DYNC1I1: variants seen among roughly 807,000 people sequenced by gnomAD.
DYNC1I1 encodes dynein cytoplasmic 1 intermediate chain 1.
DYNC1I1 carries 43 observed loss-of-function variants against 86.6 expected under a neutral mutation model. The observed-to-expected ratio is 0.50, with a 90% CI of 0.39 to 0.64. The LOEUF (loss-of-function observed/expected upper bound fraction) is 0.64, where lower values mean the gene tolerates loss of function less well. DYNC1I1 is among the 30% of genes least tolerant of loss of function. The pLI, the probability that DYNC1I1 is intolerant of heterozygous loss-of-function variation, is 0.00. For synonymous variants in DYNC1I1, 262 were observed against 283.7 expected (o/e 0.92, Z 0.77); for missense variants, 604 against 788.8 (o/e 0.77, Z 2.81).
chr7:95,836,229 T>G (rs1277196180), intron 5 of DYNC1I1, among the ~76,000 whole-genome samples: 1 of 152,116 alleles, frequency 6.6e-6, no homozygotes, highest in South Asian at 2.1e-4. Context: ...CCTTCACTTA[T>G]GAAGCTTAGT....
At chr7:95,906,658 T>G (rs1335786475) in intron 6 of DYNC1I1, among the ~76,000 whole-genome samples, 2 of 152,212 alleles carry the variant, frequency 1.3e-5, no homozygotes, top group Middle Eastern at 3.2e-3. Flanking sequence ...AACAGACCTT[T>G]AAGCTGTATG....
intron 6 of DYNC1I1, among the ~76,000 whole-genome samples, chr7:95,901,390 C>T (rs982256625): frequency 5.3e-5 from 8 of 152,206 alleles, no homozygotes; most frequent in Non-Finnish European, 8.8e-5. Flanking sequence ...ATCATTGCAT[C>T]TGTTTGCTAC....
At chr7:96,043,124 G>C (rs955687483) in intron 14 of DYNC1I1, among the ~76,000 whole-genome samples, 1 of 148,694 alleles carries the variant, frequency 6.7e-6, no homozygotes, top group Non-Finnish European at 1.5e-5. Context: ...AACCGAGATC[G>C]TGCCACTGCA....
At chr7:95,998,141 A>C (rs1339478811) in intron 10 of DYNC1I1, among the ~76,000 whole-genome samples, 1 of 152,216 alleles carries the variant, frequency 6.6e-6, no homozygotes, top group East Asian at 1.9e-4. Flanking sequence ...ATTGTACAAC[A>C]GGGAGGTAAG....
At chr7:95,840,978 G>A (rs1326530715) in intron 5 of DYNC1I1, among the ~76,000 whole-genome samples, 1 of 152,216 alleles carries the variant, frequency 6.6e-6, no homozygotes, top group Non-Finnish European at 1.5e-5. Context: ...GGGAACTGGA[G>A]TTTATCACCC....
At chr7:95,781,451 T>G (rs565068672) in intron 1 of DYNC1I1, among the ~76,000 whole-genome samples, 2 of 152,234 alleles carry the variant, frequency 1.3e-5, no homozygotes, top group South Asian at 4.2e-4. Flanking sequence ...TTAGAGACCT[T>G]AAAGTAGATA....
intron 1 of DYNC1I1, among the ~76,000 whole-genome samples, chr7:95,795,831 C>T (rs1794421650): frequency 6.6e-6 from 1 of 151,380 alleles, no homozygotes; most frequent in African/African-American, 2.4e-5. Flanking sequence ...TAAAACAAGC[C>T]CCCATGTCAC....
chr7:95,793,222 G>C (rs1463661571), intron 1 of DYNC1I1, among the ~76,000 whole-genome samples: 2 of 152,184 alleles, frequency 1.3e-5, no homozygotes, highest in African/African-American at 4.8e-5. Context: ...ATGGATCAGA[G>C]AGGGCAAGCT....
intron 10 of DYNC1I1, among the ~76,000 whole-genome samples, chr7:96,001,761 G>A (rs192794092): frequency 6.3e-4 from 96 of 151,996 alleles, no homozygotes; most frequent in African/African-American, 1.0e-3. Flanking sequence ...GGTCCCTACC[G>A]TTATGACCTC....
intron 5 of DYNC1I1, among the ~76,000 whole-genome samples, chr7:95,838,576 TATC>T (rs1584267569): frequency 6.6e-6 from 1 of 152,190 alleles, no homozygotes; most frequent in African/African-American, 2.4e-5. Context: ...CTATGAAAAA[TATC>T]ATTTAAGTTT....
chr7:96,107,306 A>G (rs751453483), intron 16 of DYNC1I1, among the ~76,000 whole-genome samples: 1 of 152,106 alleles, frequency 6.6e-6, no homozygotes, highest in Non-Finnish European at 1.5e-5. Context: ...CTGGGATTAC[A>G]GGTGTGAGCC....
In DYNC1I1 at chr7:95,803,345, C is replaced by T. The variant is rs116477101; in HGVS notation, c.-9-1376C>T. On this transcript the variant is annotated intron_variant, in intron 1 of 16. Transcript: ENST00000447467. ...ATCTGGTTTTGCTTATCTTTGTATC[C>T]CTATTCATTATAAAGTGCCTAGCAC... Among the ~76,000 whole-genome samples, 948 of 152,184 alleles carry T rather than the reference C, an allele frequency of 6.2e-3. 16 individuals carry two copies. Among genetic ancestry groups the T allele is most frequent in the African/African-American group, 0.022 (914 of 41,494 alleles).
At chr7:96,103,480 A>G (rs1791166923) in intron 16 of DYNC1I1, among the ~76,000 whole-genome samples, 1 of 152,232 alleles carries the variant, frequency 6.6e-6, no homozygotes, top group South Asian at 2.1e-4. Context: ...TGACCCCTTC[A>G]GTCACTTCTC....
chr7:95,869,846 C>T, intron 5 of DYNC1I1, 37 bp from the exon 6 acceptor site: 1 of 1,570,234 alleles, frequency 6.4e-7, no homozygotes, highest in Non-Finnish European at 8.7e-7. Context: ...CAAGGAATGC[C>T]TCCCCTCTCT....
At chr7:95,882,752 GA>G in intron 6 of DYNC1I1, among the ~76,000 whole-genome samples, 1 of 152,132 alleles carries the variant, frequency 6.6e-6, no homozygotes, top group Non-Finnish European at 1.5e-5. Context: ...GAAGAGGTGG[GA>G]AAAAGTTTTC....
chr7:95,934,703 G>A (rs533459403), intron 6 of DYNC1I1, among the ~76,000 whole-genome samples: 1 of 152,038 alleles, frequency 6.6e-6, no homozygotes, highest in East Asian at 1.9e-4. Flanking sequence ...TCCACCTGGT[G>A]GATTTTACTT....
At chr7:96,012,248 G>T (rs1309653937) in intron 10 of DYNC1I1, among the ~76,000 whole-genome samples, 3 of 152,104 alleles carry the variant, frequency 2.0e-5, no homozygotes, top group African/African-American at 7.2e-5. Flanking sequence ...AAGGAAGAGG[G>T]TATATGCACT....
intron 3 of DYNC1I1, 164 bp from the exon 4 acceptor site, chr7:95,813,083 C>A: frequency 1.4e-6 from 2 of 1,395,772 alleles, no homozygotes; most frequent in Non-Finnish European, 1.9e-6. Flanking sequence ...GACTTTTTTC[C>A]TTTTCTTTCC....
At chr7:95,939,253 C>T (rs1258293800) in intron 6 of DYNC1I1, among the ~76,000 whole-genome samples, 3 of 152,136 alleles carry the variant, frequency 2.0e-5, no homozygotes, top group African/African-American at 4.8e-5. Flanking sequence ...TGGTGTGGTG[C>T]TGAAAAAAAT....
Sources: allele counts gnomAD v4.1 joint callset (sites outside exome capture counted in the v4.1 genomes callset), GRCh38; gene constraint gnomAD v4.1.1; transcripts MANE v1.5; gene names NCBI Gene and HGNC (gene_info 2026-07-23, HGNC 2026-07-21).